Variants in STX8 observed in about 807,000 individuals in gnomAD.
The protein encoded by STX8 is syntaxin 8, also known as syntaxin-8.
In STX8, 23 loss-of-function variants were observed where a neutral mutation model predicts 37.5. The ratio of observed to expected loss-of-function variants is 0.61; its 90% confidence interval spans 0.44 to 0.87. The LOEUF (loss-of-function observed/expected upper bound fraction) is 0.87, where lower values mean the gene tolerates loss of function less well. STX8 is among the 40% of genes least tolerant of loss of function. The pLI, the probability that STX8 is intolerant of heterozygous loss-of-function variation, is 0.00. For synonymous variants in STX8, 115 were observed against 99.1 expected, an observed-to-expected ratio of 1.16 and a Z score of -0.95; for missense variants, 313 against 284.7, an observed-to-expected ratio of 1.10 and a Z score of -0.71.
chr17:9,444,142 C>CT (rs1555527985), intron 6 of STX8, among the ~76,000 whole-genome samples: 3 of 150,178 alleles, frequency 2.0e-5, no homozygotes, highest in African/African-American at 7.3e-5. Flanking sequence ...TTCGCACATT[C>CT]TTCTCTCTTT....
intron 7 of STX8, among the ~76,000 whole-genome samples, chr17:9,262,754 GTA>G (rs1171129089): frequency 6.6e-6 from 1 of 151,848 alleles, no homozygotes; most frequent in Non-Finnish European, 1.5e-5. Context: ...GCTAATTTTT[GTA>G]TTTTTAGTAG....
chr17:9,491,929 A>G lies in STX8; in HGVS notation c.449-8T>C, dbSNP rs868136154. 3 of 1,590,322 alleles carry G rather than the reference A, an allele frequency of 1.9e-6. No individual in the cohort carries two copies. In the East Asian group the frequency reaches 6.7e-5, roughly 36 times the overall value. On this transcript the variant is annotated splice_polypyrimidine_tract_variant and splice_region_variant and intron_variant, in intron 5 of 7. Coordinates refer to ENST00000306357, the MANE Select transcript of STX8 (RefSeq NM_004853.3). ...CAAGGCCTGCGTCCTGTTCTGAAAG[A>G]AAAAAGAAAAATAATTAACTAGAAA...
chr17:9,359,897 C>G (rs1452777325), intron 7 of STX8, among the ~76,000 whole-genome samples: 2 of 151,868 alleles, frequency 1.3e-5, no homozygotes, highest in African/African-American at 4.8e-5. Context: ...GTCCTGTTTC[C>G]AGGCAGATAA....
intron 6 of STX8, chr17:9,452,240 T>A (rs1440572466): frequency 6.6e-6 from 1 of 152,044 alleles, no homozygotes; most frequent in African/African-American, 2.4e-5. Context: ...TAAAAATACC[T>A]GAAACAATTA....
At chr17:9,378,779 C>G in intron 6 of STX8, 126 bp from the exon 7 acceptor site, 2 of 659,200 alleles carry the variant, frequency 3.0e-6, no homozygotes, top group Non-Finnish European at 5.3e-6. Flanking sequence ...GTACAGAACT[C>G]ATGTCGATTC....
At position 9,487,821 on chromosome 17, in the gene STX8, C is replaced by A. The variant is rs116177072; in HGVS notation, c.541+4008G>T. On this transcript the variant is annotated intron_variant, in intron 6 of 7. Transcript: ENST00000306357. ...GATGCTGTGTATATACACGTCGCCA[C>A]GTGGATGCGCTTCTGTGCATGTGGG... 9.9e-3 allele frequency among the ~76,000 whole-genome samples: 1,500 copies of A among 152,264 alleles called. 31 individuals are homozygous for A. Among genetic ancestry groups the A allele is most frequent in the African/African-American group, 0.035 (1,433 of 41,530 alleles).
intron 5 of STX8, among the ~76,000 whole-genome samples, chr17:9,497,863 A>T (rs1361573114): frequency 6.6e-6 from 1 of 152,240 alleles, no homozygotes; most frequent in Admixed American, 6.5e-5. Context: ...ACTTGTTTAA[A>T]TCAATGAATG....
intron 6 of STX8, among the ~76,000 whole-genome samples, chr17:9,437,093 G>A (rs1904459599): frequency 6.6e-6 from 1 of 152,176 alleles, no homozygotes. Context: ...ATGAAACCAC[G>A]ACTATAAGCA....
intron 3 of STX8, chr17:9,557,207 T>C (rs1396893601): frequency 2.2e-6 from 1 of 462,596 alleles, no homozygotes; most frequent in Non-Finnish European, 4.0e-6. Flanking sequence ...GTACAGGTTA[T>C]ACCCAAATAA....
intron 2 of STX8, among the ~76,000 whole-genome samples, chr17:9,566,231 G>T (rs1303129400): frequency 6.6e-6 from 1 of 152,166 alleles, no homozygotes; most frequent in African/African-American, 2.4e-5. Flanking sequence ...CATTAGAGAG[G>T]TGCAAATCGA....
intron 1 of STX8, chr17:9,569,677 G>A (rs539664413): frequency 6.6e-6 from 1 of 152,320 alleles, no homozygotes; most frequent in South Asian, 2.1e-4. Flanking sequence ...ACCGGATGCG[G>A]TGGCTCACGC....
intron 6 of STX8, among the ~76,000 whole-genome samples, chr17:9,431,118 A>G (rs1913951449): frequency 6.6e-6 from 1 of 151,444 alleles, no homozygotes; most frequent in East Asian, 1.9e-4. Flanking sequence ...GGTCTCCCAA[A>G]GTGCTGGGAT....
intron 6 of STX8, among the ~76,000 whole-genome samples, chr17:9,400,108 T>TC (rs200953898): frequency 4.0e-5 from 6 of 148,300 alleles, no homozygotes; most frequent in African/African-American, 1.5e-4. Context: ...TTGTTATTAT[T>TC]TTTTTTTTTT....
chr17:9,450,087 CT>C (rs202187540), intron 6 of STX8, among the ~76,000 whole-genome samples: 3 of 151,276 alleles, frequency 2.0e-5, no homozygotes, highest in Non-Finnish European at 2.9e-5. Context: ...CTACATGTAA[CT>C]TTTTTTTTGA....
At chr17:9,409,998 A>G (rs933888172) in intron 6 of STX8, among the ~76,000 whole-genome samples, 1 of 152,050 alleles carries the variant, frequency 6.6e-6, no homozygotes, top group African/African-American at 2.4e-5. Context: ...AATCGTAAGT[A>G]CGAAAGGATT....
At chr17:9,495,241 TTA>T (rs1904339787) in intron 5 of STX8, among the ~76,000 whole-genome samples, 2 of 152,316 alleles carry the variant, frequency 1.3e-5, no homozygotes, top group South Asian at 4.1e-4. Context: ...AAGGACCATT[TTA>T]TAGTAAAATC....
At chr17:9,335,410 C>T (rs1910103169) in intron 7 of STX8, among the ~76,000 whole-genome samples, 1 of 152,202 alleles carries the variant, frequency 6.6e-6, no homozygotes, top group Non-Finnish European at 1.5e-5. Flanking sequence ...CAGCACTAAT[C>T]CACTGATGAG....
At chr17:9,318,423 C>G (rs192860842) in intron 7 of STX8, among the ~76,000 whole-genome samples, 1 of 151,868 alleles carries the variant, frequency 6.6e-6, no homozygotes, top group South Asian at 2.1e-4. Flanking sequence ...AATATTGTAC[C>G]CATAAAAATA....
intron 7 of STX8, among the ~76,000 whole-genome samples, chr17:9,299,973 A>G (rs1908710589): frequency 6.6e-6 from 1 of 152,228 alleles, no homozygotes; most frequent in Non-Finnish European, 1.5e-5. Context: ...TAGGCAGGGC[A>G]TGAACATCAA....
Sources: gnomAD v4.1 joint callset for allele counts (sites outside exome capture counted in the v4.1 genomes callset) on GRCh38, gnomAD v4.1.1 for gene constraint, MANE v1.5 for transcripts, NCBI Gene and HGNC (gene_info 2026-07-23, HGNC 2026-07-21) for gene names.